F8: variants seen among roughly 807,000 people sequenced by gnomAD.
F8 encodes the protein antihemophilic factor.
A neutral mutation model predicts 140.6 loss-of-function variants in F8; 12 were observed. That is an observed-to-expected ratio of 0.09 (90% CI 0.05 to 0.14). The LOEUF is 0.14. Among genes scored for constraint, F8 ranks in the 10% least tolerant of loss-of-function variants. The pLI, the probability that F8 is intolerant of heterozygous loss-of-function variation, is 1.00. For missense variants in F8, 1,354 were observed against 1,720.7 expected, an observed-to-expected ratio of 0.79 and a Z score of 3.77; for synonymous variants, 585 against 614.6, an observed-to-expected ratio of 0.95 and a Z score of 0.71.
At chrX:154,851,590 A>G (rs2072615653) in intron 25 of F8, among the ~76,000 whole-genome samples, 1 of 109,818 alleles carries the variant, frequency 9.1e-6, no homozygotes, top group South Asian at 3.9e-4. Flanking sequence ...TTTTTTTTTA[A>G]TTTAGCCATC....
At position 154,931,240 on chromosome X, in the gene F8, C is replaced by G. The variant is rs782777398; in HGVS notation, c.2550G>C (p.Leu850=). ...SPGAIDSNNS[L]SEMTHFRPQL... Reference sequence around the variant, plus strand: ...GTGGCCTGAAGTGTGTCATTTCAGACAGGCTGTTATTACTGTCTATTGCTC... The same window carrying G: ...GTGGCCTGAAGTGTGTCATTTCAGAGAGGCTGTTATTACTGTCTATTGCTC... Residue 850 remains leucine, a synonymous_variant, in exon 14 of 26, where the codon CTG becomes CTC. Transcript: ENST00000360256. 4 of 1,210,939 alleles carry G rather than the reference C, an allele frequency of 3.3e-6. No homozygotes were observed. In the South Asian group the frequency reaches 7.0e-5, roughly 21 times the overall value.
Position 154,929,132 on chromosome X carries a change from T to C in F8, c.4658A>G (p.Lys1553Arg), listed in dbSNP as rs1168812986. The change falls in exon 14 of 26, where the codon AAG (lysine) becomes AGG (arginine). Residue 1553 changes from lysine (K) to arginine (R), a missense_variant. Transcript: ENST00000360256. Reference protein sequence around the residue: ...SLLQGTEGAIKWNEANRPGKV... With the variant: ...SLLQGTEGAIRWNEANRPGKV... ...TCCAGGTCTGTTTGCTTCATTCCAC[T>C]TAATCGCTCCCTCTGTTCCCTGAAG... 21 of 1,209,838 alleles carry C rather than the reference T, an allele frequency of 1.7e-5. No homozygotes were observed. The highest frequency in any genetic ancestry group is 2.2e-5 in the Non-Finnish European group (20 of 895,201).
Position 155,008,387 on chromosome X carries a change from C to T in F8, c.144-8787G>A, listed in dbSNP as rs782789054. Reference sequence around the variant, plus strand: ...CCTGCAGCAGAAAGGCAAGAGTATACGGCGGGTGCCACCTGGCCCCGCCAG... The same window carrying T: ...CCTGCAGCAGAAAGGCAAGAGTATATGGCGGGTGCCACCTGGCCCCGCCAG... On this transcript the variant is annotated intron_variant, in intron 1 of 25. Coordinates refer to ENST00000360256, the MANE Select transcript of F8 (RefSeq NM_000132.4). 7.8e-4 allele frequency among the ~76,000 whole-genome samples: 87 copies of T among 111,814 alleles called. No individual in the cohort carries two copies. In the South Asian group the frequency reaches 0.011, roughly 15 times the overall value.
intron 1 of F8, among the ~76,000 whole-genome samples, chrX:155,017,497 C>A (rs1282506069): frequency 1.8e-5 from 2 of 112,333 alleles, no homozygotes; most frequent in Non-Finnish European, 3.8e-5. Flanking sequence ...CAATTAAAAT[C>A]ATACGTCTAG....
chrX:154,961,501 T>C (rs782525364), intron 9 of F8, among the ~76,000 whole-genome samples: 2 of 112,058 alleles, frequency 1.8e-5, no homozygotes, highest in Non-Finnish European at 3.8e-5. Context: ...ATAAATGCTA[T>C]GTAAATAGTT....
chrX:154,957,011 G>T lies in F8; in HGVS notation c.1698C>A (p.Leu566=), dbSNP rs782402195. 3.3e-6 allele frequency: 4 copies of T among 1,211,246 alleles called. No homozygotes were observed. In the Admixed American group the frequency reaches 8.7e-5, roughly 26 times the overall value. Residue 566 remains leucine, a synonymous_variant, in exon 11 of 26, where the codon CTC becomes CTA. Coordinates refer to ENST00000360256, the MANE Select transcript of F8 (RefSeq NM_000132.4). The stretch of plus-strand genomic sequence containing the variant: ...TGTAGCAGATGAGGAGAGGGCCAAT[G>T]AGTCCTGAAGCTAGATCTCTCTCCA... ...VNMERDLASG[L]IGPLLICYKE...
At chrX:154,880,258 A>G (rs1557274328) in intron 22 of F8, among the ~76,000 whole-genome samples, 1 of 111,751 alleles carries the variant, frequency 8.9e-6, no homozygotes, top group African/African-American at 3.3e-5. Flanking sequence ...ACTTTGGCAT[A>G]TTGATTATTT....
At chrX:154,867,562 C>A (rs2072740106) in intron 22 of F8, among the ~76,000 whole-genome samples, 1 of 108,482 alleles carries the variant, frequency 9.2e-6, no homozygotes, top group African/African-American at 3.4e-5. Context: ...ATGGCATGTT[C>A]CAGTAGTCCC....
intron 5 of F8, among the ~76,000 whole-genome samples, chrX:154,986,372 C>G (rs1375184152): frequency 9.0e-6 from 1 of 111,702 alleles, no homozygotes; most frequent in Non-Finnish European, 1.9e-5. Flanking sequence ...CTCACTGCAA[C>G]CTTCACCTCC....
At chrX:154,881,678 T>C (rs1236062403) in intron 22 of F8, among the ~76,000 whole-genome samples, 1 of 106,683 alleles carries the variant, frequency 9.4e-6, no homozygotes, top group Non-Finnish European at 1.9e-5. Context: ...GAAAATAAAT[T>C]CAACAAACCA....
At chrX:154,872,395 T>C (rs782671900) in intron 22 of F8, among the ~76,000 whole-genome samples, 200 of 111,686 alleles carry the variant, frequency 1.8e-3, no homozygotes, top group Non-Finnish European at 2.9e-3. Flanking sequence ...TCCTGTCCTT[T>C]GCAGGGACAT....
At position 154,931,293 on chromosome X, in the gene F8, C is replaced by T; in HGVS notation, c.2497G>A (p.Glu833Lys). The T allele has an allele frequency of 8.3e-7, 1 of 1,211,123 alleles. No individual in the cohort carries two copies. Among genetic ancestry groups the T allele is most frequent in the African/African-American group, 1.7e-5 (1 of 57,683 alleles). Residue 833 changes from glutamate to lysine, a missense_variant, in exon 14 of 26, where the codon GAG (glutamate) becomes AAG (lysine). By Grantham distance (56) the Glu-to-Lys change is moderately conservative. Transcript: ENST00000360256. ...SLSDLQEAKY[E>K]TFSDDPSPGA... ...GGTGATGGATCATCAGAAAAAGTCTCATATTTGGCTTCTTGGAGATCAGAT... is the reference window on the plus strand; with the variant it reads ...GGTGATGGATCATCAGAAAAAGTCTTATATTTGGCTTCTTGGAGATCAGAT...
chrX:154,839,507 T>C (rs7357844), intron 25 of F8, among the ~76,000 whole-genome samples: 14,030 of 108,603 alleles, frequency 0.13, 812 homozygotes, highest in South Asian at 0.35. Context: ...GGACTACAGG[T>C]GCCCGCCACC....
intron 14 of F8, among the ~76,000 whole-genome samples, chrX:154,910,327 A>C (rs1569559559): frequency 9.2e-6 from 1 of 109,045 alleles, no homozygotes; most frequent in Non-Finnish European, 1.9e-5. Context: ...AAGGACAAAA[A>C]ACCAAACACC....
At chrX:154,960,962 A>G in intron 10 of F8, 113 bp downstream of exon 10, 1 of 527,324 alleles carries the variant, frequency 1.9e-6, no homozygotes, top group Admixed American at 2.7e-5. Context: ...CTGGAGCTTG[A>G]GGTCCGGCCA....
intron 4 of F8, 36 bp downstream of exon 4, chrX:154,992,900 T>C: frequency 8.8e-7 from 1 of 1,138,742 alleles, no homozygotes; most frequent in Non-Finnish European, 1.2e-6. Context: ...ACTTCTCTGC[T>C]TATTTCATCT....
chrX:154,855,211 C>A (rs1557272401), intron 25 of F8, among the ~76,000 whole-genome samples: 1 of 112,004 alleles, frequency 8.9e-6, no homozygotes, highest in Admixed American at 9.5e-5. Context: ...TATATTGACA[C>A]TTGTGAACAT....
intron 1 of F8, among the ~76,000 whole-genome samples, chrX:155,005,539 C>T (rs1257611127): frequency 9.0e-6 from 1 of 111,265 alleles, no homozygotes; most frequent in African/African-American, 3.3e-5. Context: ...AGGAGTTGTG[C>T]TGTGTTCCAA....
rs2073445237 is a variant in F8 at position 154,969,551 on chromosome X, A to G, written c.789T>C (p.Gly263=). ...VNGYVNRSLP[G]LIGCHRKSVY... is the part of the protein sequence containing the mutation. ...CTGATTTCCTGTGGCATCCAATCAG[A>G]CCTGTAAAGTAGGAATAAGACACCT... is the stretch of plus-strand genomic sequence containing the variant. Residue 263 remains glycine (G), a splice_region_variant and synonymous_variant, in exon 7 of 26, where the codon GGT becomes GGC. Transcript: ENST00000360256. 1 of 1,204,082 alleles carries G rather than the reference A, an allele frequency of 8.3e-7. No individual in the cohort carries two copies. Among genetic ancestry groups the G allele is most frequent in the Admixed American group, 2.2e-5 (1 of 46,036 alleles).
Sources: gnomAD v4.1 joint callset for allele counts (sites outside exome capture counted in the v4.1 genomes callset) on GRCh38, gnomAD v4.1.1 for gene constraint, MANE v1.5 for transcripts, NCBI Gene and HGNC (gene_info 2026-07-23, HGNC 2026-07-21) for gene names.